The following SMAD2 variants were observed in gnomAD, a reference collection of about 807,000 sequenced individuals.
SMAD2 encodes MAD homolog 2.
Under a neutral mutation model 64.4 loss-of-function variants are expected in SMAD2, and 8 were observed. The observed-to-expected ratio is 0.12, with a 90% CI of 0.07 to 0.22. The LOEUF (loss-of-function observed/expected upper bound fraction) is 0.22, where lower values mean the gene tolerates loss of function less well. SMAD2 is among the 10% of genes least tolerant of loss of function. SMAD2 has a pLI of 1.00. For missense variants in SMAD2, 289 were observed against 561.2 expected (o/e 0.51, Z 4.90); for synonymous variants, 203 against 195.8 (o/e 1.04, Z -0.31).
chr18:47,855,239 GTTTA>G (rs1219222086), intron 6 of SMAD2, among the ~76,000 whole-genome samples: 7 of 152,194 alleles, frequency 4.6e-5, no homozygotes, highest in South Asian at 4.1e-4. Context: ...GGATATATCA[GTTTA>G]TTTATCTAGT....
intron 2 of SMAD2, among the ~76,000 whole-genome samples, chr18:47,888,149 T>C (rs1323987746): frequency 3.3e-5 from 5 of 150,042 alleles, no homozygotes; most frequent in Admixed American, 6.6e-5. Flanking sequence ...CCAGGTAAAA[T>C]ATAAGCAGGT....
At chr18:47,928,477 G>A (rs141649431) in intron 1 of SMAD2, among the ~76,000 whole-genome samples, 26 of 152,318 alleles carry the variant, frequency 1.7e-4, no homozygotes, top group African/African-American at 6.3e-4. Flanking sequence ...CCATCTTGAA[G>A]TAGAATAGAA....
intron 1 of SMAD2, among the ~76,000 whole-genome samples, chr18:47,908,313 T>G (rs2033985851): frequency 6.6e-6 from 1 of 152,214 alleles, no homozygotes; most frequent in Non-Finnish European, 1.5e-5. Context: ...ACAAAATGGT[T>G]GTTGTAACAG....
chr18:47,841,671 A>G lies in SMAD2; in HGVS notation c.*156T>C. 1.3e-6 allele frequency: 1 copy of G among 750,740 alleles called. No homozygotes were observed. The highest frequency in any genetic ancestry group is 2.2e-5 in the Admixed American group (1 of 45,910). The allele number at this position is 750,740 out of a possible 1,614,324, so 46.5% of individuals were successfully genotyped here. A position where few individuals can be genotyped will look rare whatever the true frequency, so the allele number is the denominator to read the frequency against. The stretch of plus-strand genomic sequence containing the variant: ...TTCCCATCTAATATTCAAATATAGG[A>G]AACAGATTCCACAAGGTGCTTTAAT... On this transcript the variant is annotated 3_prime_UTR_variant, in exon 11 of 11. Transcript: ENST00000262160.
intron 6 of SMAD2, among the ~76,000 whole-genome samples, chr18:47,855,254 C>A (rs1347418964): frequency 6.6e-6 from 1 of 152,144 alleles, no homozygotes; most frequent in Non-Finnish European, 1.5e-5. Context: ...TTTATCTAGT[C>A]ACCTATTAAA....
chr18:47,925,737 C>G (rs894178022), intron 1 of SMAD2, among the ~76,000 whole-genome samples: 4 of 152,140 alleles, frequency 2.6e-5, no homozygotes, highest in Admixed American at 2.0e-4. Flanking sequence ...AAACCTGATT[C>G]TTAAAAACAG....
intron 6 of SMAD2, among the ~76,000 whole-genome samples, chr18:47,852,356 A>G (rs368196487): frequency 6.6e-6 from 1 of 152,140 alleles, no homozygotes; most frequent in African/African-American, 2.4e-5. Context: ...ATGACGGTGG[A>G]TATCTTACTC....
intron 10 of SMAD2, among the ~76,000 whole-genome samples, chr18:47,844,060 T>C (rs999930812): frequency 1.3e-5 from 2 of 152,162 alleles, no homozygotes; most frequent in Non-Finnish European, 2.9e-5. Context: ...AAAACGGCAT[T>C]CAGCATTCTT....
At chr18:47,884,648 G>A (rs955457039) in intron 2 of SMAD2, among the ~76,000 whole-genome samples, 1 of 152,054 alleles carries the variant, frequency 6.6e-6, no homozygotes, top group Non-Finnish European at 1.5e-5. Context: ...AATTGAGAAA[G>A]CCCCTTCCAA....
intron 2 of SMAD2, among the ~76,000 whole-genome samples, chr18:47,880,281 T>C (rs769906108): frequency 2.4e-4 from 37 of 152,388 alleles, no homozygotes; most frequent in Non-Finnish European, 1.6e-4. Flanking sequence ...TTAGCTTTAA[T>C]TAGACTACAA....
chr18:47,870,657 T>C, intron 2 of SMAD2, 93 bp from the exon 3 acceptor site: 2 of 854,676 alleles, frequency 2.3e-6, no homozygotes, highest in Admixed American at 3.4e-5. Context: ...ATGTACAGAA[T>C]ACTTCCTTCA....
chr18:47,883,387 G>A (rs1259004600), intron 2 of SMAD2, among the ~76,000 whole-genome samples: 1 of 152,202 alleles, frequency 6.6e-6, no homozygotes, highest in Non-Finnish European at 1.5e-5. Context: ...AAAATTGATT[G>A]AGACTTGTGC....
At chr18:47,877,238 CACTCAGTA>C (rs149909563) in intron 2 of SMAD2, among the ~76,000 whole-genome samples, 5,381 of 151,196 alleles carry the variant, frequency 0.036, 126 homozygotes, top group Non-Finnish European at 0.054. Context: ...GCATGCTGAA[CACTCAGTA>C]AAATTAGTCA....
intron 5 of SMAD2, among the ~76,000 whole-genome samples, chr18:47,866,030 A>G (rs2031527188): frequency 6.6e-6 from 1 of 152,116 alleles, no homozygotes; most frequent in Non-Finnish European, 1.5e-5. Flanking sequence ...TTATCAAAAG[A>G]ACGAGGCCAG....
At chr18:47,899,460 A>AT (rs1308977546) in intron 1 of SMAD2, among the ~76,000 whole-genome samples, 1 of 152,166 alleles carries the variant, frequency 6.6e-6, no homozygotes, top group Non-Finnish European at 1.5e-5. Context: ...AAAGTGGATG[A>AT]TTAGGGAGAA....
At chr18:47,848,435 T>C (rs1266294082) in intron 8 of SMAD2, 40 bp downstream of exon 8, 4 of 1,420,888 alleles carry the variant, frequency 2.8e-6, no homozygotes, top group East Asian at 2.3e-5. Flanking sequence ...ATTATGAGTA[T>C]ACAGCATTTA....
At chr18:47,912,691 C>G (rs2034184048) in intron 1 of SMAD2, among the ~76,000 whole-genome samples, 1 of 152,066 alleles carries the variant, frequency 6.6e-6, no homozygotes, top group Non-Finnish European at 1.5e-5. Context: ...AGAACAAAAC[C>G]TCTTTTTGAG....
In SMAD2 at chr18:47,870,504, T is replaced by C; in HGVS notation, c.297A>G (p.Thr99=). ...TTTGTTCAGAGAAGCTGTAAAGGCCTGTTGTATCCCACTGATCTATCGTAT... is the reference window on the plus strand; with the variant it reads ...TTTGTTCAGAGAAGCTGTAAAGGCCCGTTGTATCCCACTGATCTATCGTAT... ...TPNTIDQWDT[T]GLYSFSEQTR... The change falls in exon 3 of 11, where the codon ACA becomes ACG. Residue 99 remains threonine (T), a synonymous_variant. Transcript: ENST00000262160. 6.2e-7 allele frequency: 1 copy of C among 1,613,468 alleles called. No homozygotes were observed. The highest frequency in any genetic ancestry group is 8.5e-7 in the Non-Finnish European group (1 of 1,179,448).
intron 1 of SMAD2, among the ~76,000 whole-genome samples, chr18:47,903,548 C>T (rs985826173): frequency 6.6e-6 from 1 of 152,092 alleles, no homozygotes; most frequent in Admixed American, 6.5e-5. Context: ...TTACTTCAAT[C>T]TCCATTGTTT....
Sources: gnomAD v4.1 joint callset for allele counts (sites outside exome capture counted in the v4.1 genomes callset) on GRCh38, gnomAD v4.1.1 for gene constraint, MANE v1.5 for transcripts, NCBI Gene and HGNC (gene_info 2026-07-23, HGNC 2026-07-21) for gene names.